The following ZNF75A variants were observed in gnomAD, a reference collection of about 807,000 sequenced individuals.
ZNF75A encodes zinc finger protein 75A.
Under a neutral mutation model 46.3 loss-of-function variants are expected in ZNF75A, and 36 were observed. That is an observed-to-expected ratio of 0.78 (90% CI 0.60 to 1.03). The LOEUF is 1.03. Among genes scored for constraint, ZNF75A ranks in the 50% least tolerant of loss-of-function variants. ZNF75A has a pLI of 0.00. For synonymous variants in ZNF75A, 234 were observed against 189.9 expected, an observed-to-expected ratio of 1.23 and a Z score of -1.91; for missense variants, 595 against 551.3, an observed-to-expected ratio of 1.08 and a Z score of -0.79.
chr16:3,315,821 AAAC>A (rs1173618213), intron 5 of ZNF75A, among the ~76,000 whole-genome samples: 1 of 152,238 alleles, frequency 6.6e-6, no homozygotes, highest in Non-Finnish European at 1.5e-5. Flanking sequence ...AGAAAAATCT[AAAC>A]TTCTTACCAA....
downstream of ZNF75A, chr16:3,322,836 G>T: frequency 2.2e-6 from 2 of 893,442 alleles, no homozygotes; most frequent in South Asian, 5.2e-5. Flanking sequence ...ATGTCCCTGG[G>T]CTTGGTCGAC....
chr16:3,311,819 G>C lies in ZNF75A; in HGVS notation c.475G>C (p.Gly159Arg), dbSNP rs567230881. The change falls in exon 3 of 7, where the codon GGG becomes CGG. Residue 159 changes from glycine (G) to arginine (R), a missense_variant. Transcript: ENST00000669516. ...LGETAEASSFGLKPTESQPVG... is the reference protein window; with the variant it reads ...LGETAEASSFRLKPTESQPVG... The stretch of plus-strand genomic sequence containing the variant: ...AGAAACAGCAGAGGCCTCAAGTTTC[G>C]GGCTGAAGCCAACAGAGTCCCAACC... 28 of 1,048,606 alleles carry C rather than the reference G, an allele frequency of 2.7e-5. No homozygotes were observed. Among genetic ancestry groups the C allele is most frequent in the Non-Finnish European group, 2.9e-5 (25 of 862,430 alleles). 65.0% of individuals were successfully genotyped at this position (1,048,606 alleles called of 1,614,324 possible). A position where few individuals can be genotyped will look rare whatever the true frequency, so the allele number is the denominator to read the frequency against.
rs761697439 is a variant in ZNF75A at position 3,318,118 on chromosome 16, C to T, written c.*249C>T. On this transcript the variant is annotated 3_prime_UTR_variant, in exon 7 of 7. Coordinates refer to ENST00000669516, the MANE Select transcript of ZNF75A (RefSeq NM_001302109.2). Reference sequence around the variant, plus strand: ...CATTTTTGAACACATCCAATAGAAACATTGGCAGCATGGTCTTCCAAAACA... The same window carrying T: ...CATTTTTGAACACATCCAATAGAAATATTGGCAGCATGGTCTTCCAAAACA... 59 of 1,232,354 alleles carry T rather than the reference C, an allele frequency of 4.8e-5. No homozygotes were observed. Among genetic ancestry groups the T allele is most frequent in the Non-Finnish European group, 5.9e-5 (58 of 986,998 alleles). 76.3% of individuals were successfully genotyped at this position (1,232,354 alleles called of 1,614,324 possible).
At position 3,318,322 on chromosome 16, in the gene ZNF75A, CCTT is replaced by C; in HGVS notation, c.*457_*459del. The C allele has an allele frequency of 1.0e-6, 1 of 988,734 alleles. No homozygotes were observed. The highest frequency in any genetic ancestry group is 1.2e-6 in the Non-Finnish European group (1 of 832,170). 61.2% of individuals were successfully genotyped at this position (988,734 alleles called of 1,614,324 possible). ...TGCAAAGTTGGACATCACTTGAGTT[CCTT>C]CTTAAACTTTTCGGCAACTTCTCTT... On this transcript the variant is annotated 3_prime_UTR_variant, in exon 7 of 7. Transcript: ENST00000669516.
At chr16:3,314,927 C>T in intron 5 of ZNF75A, 1 of 985,392 alleles carries the variant, frequency 1.0e-6, no homozygotes, top group Non-Finnish European at 1.2e-6. Flanking sequence ...TCTCAGTTTA[C>T]TGAGAATGAA....
chr16:3,323,316 C>T (rs957484988), downstream of ZNF75A: 7 of 1,066,706 alleles, frequency 6.6e-6, no homozygotes, highest in African/African-American at 1.1e-4. Flanking sequence ...GCAAAAGAAC[C>T]ATGAGATCTC....
At chr16:3,315,063 G>T in intron 5 of ZNF75A, 1 of 985,020 alleles carries the variant, frequency 1.0e-6, no homozygotes. Flanking sequence ...CTCATTCCTT[G>T]TCCTACGTGG....
downstream of ZNF75A, among the ~76,000 whole-genome samples, chr16:3,321,221 A>G (rs1202810511): frequency 6.6e-6 from 1 of 152,200 alleles, no homozygotes; most frequent in Non-Finnish European, 1.5e-5. Context: ...TTAGTACTAA[A>G]TGCACTAATT....
chr16:3,322,445 CTTT>C (rs965319693), downstream of ZNF75A, among the ~76,000 whole-genome samples: 5 of 152,346 alleles, frequency 3.3e-5, no homozygotes, highest in African/African-American at 1.2e-4. Context: ...GTCTGTAAGG[CTTT>C]TCTCCTGTAC....
downstream of ZNF75A, chr16:3,318,919 CT>C (rs1397058094): frequency 1.8e-5 from 15 of 852,370 alleles, no homozygotes; most frequent in Non-Finnish European, 2.1e-5. Flanking sequence ...TAAGCTCTAC[CT>C]GTCTTTGTTC....
chr16:3,321,374 C>CG (rs1464694187), downstream of ZNF75A, among the ~76,000 whole-genome samples: 1 of 152,324 alleles, frequency 6.6e-6, no homozygotes, highest in African/African-American at 2.4e-5. Context: ...TTGACCCCGT[C>CG]TAGTCTCCTG....
In ZNF75A at chr16:3,318,557, A is replaced by G. The variant is rs1203865391; in HGVS notation, c.*688A>G. 12 of 985,322 alleles carry G rather than the reference A, an allele frequency of 1.2e-5. No individual in the cohort carries two copies. Among genetic ancestry groups the G allele is most frequent in the Non-Finnish European group, 1.4e-5 (12 of 829,912 alleles). 61.0% of individuals were successfully genotyped at this position (985,322 alleles called of 1,614,324 possible). On this transcript the variant is annotated 3_prime_UTR_variant, in exon 7 of 7. Coordinates refer to ENST00000669516, the MANE Select transcript of ZNF75A (RefSeq NM_001302109.2). ...TAGATGTAAAGAATTTTCTGCAATA[A>G]AAGAAACTAGACTTGTTAATCCCTG...
downstream of ZNF75A, among the ~76,000 whole-genome samples, chr16:3,319,478 C>T (rs548182967): frequency 5.9e-5 from 9 of 152,338 alleles, no homozygotes; most frequent in East Asian, 1.5e-3. Flanking sequence ...TCTTACCCAG[C>T]ACCACCTTAA....
downstream of ZNF75A, among the ~76,000 whole-genome samples, chr16:3,321,308 C>G (rs1008800464): frequency 6.6e-6 from 1 of 152,146 alleles, no homozygotes; most frequent in African/African-American, 2.4e-5. Context: ...TTTATTTTAG[C>G]ATGTTCAGAT....
Position 3,311,880 on chromosome 16 carries a change from C to T in ZNF75A, c.536C>T (p.Thr179Ile), listed in dbSNP as rs1013451878. The change falls in exon 3 of 7, where the codon ACA (threonine) becomes ATA (isoleucine). Residue 179 changes from threonine (T) to isoleucine (I), a missense_variant. By Grantham distance (89) the Thr-to-Ile change is moderately conservative. Transcript: ENST00000669516. ...GVSQDEEFWN[T>I]YEGLQEQLSR... ...TCCCAAGATGAAGAATTTTGGAATA[C>T]ATACGAGGGTCTGCAAGAACAGCTC... 5.9e-6 allele frequency: 6 copies of T among 1,010,466 alleles called. No individual in the cohort carries two copies. Among genetic ancestry groups the T allele is most frequent in the Non-Finnish European group, 7.1e-6 (6 of 842,604 alleles). 62.6% of individuals were successfully genotyped at this position (1,010,466 alleles called of 1,614,324 possible).
At position 3,316,703 on chromosome 16, in the gene ZNF75A, C is replaced by T. The variant is rs1304068419; in HGVS notation, c.824-209C>T. The T allele has an allele frequency of 5.9e-5, 25 of 422,808 alleles. 1 individual carries two copies. The Admixed American group carries it at 6.8e-4, about 12-fold the overall frequency. The allele number at this position is 422,808 out of a possible 1,614,324, so 26.2% of individuals were successfully genotyped here. The stretch of plus-strand genomic sequence containing the variant: ...CCCTATATCCTTTTCATTGATCCAC[C>T]GTAGATTTATTTCTTAGTCTCTGCT... On this transcript the variant is annotated intron_variant, in intron 5 of 6. Coordinates refer to ENST00000669516, the MANE Select transcript of ZNF75A (RefSeq NM_001302109.2).
downstream of ZNF75A, among the ~76,000 whole-genome samples, chr16:3,322,230 A>G (rs2029971343): frequency 6.6e-6 from 1 of 152,154 alleles, no homozygotes; most frequent in South Asian, 2.1e-4. Flanking sequence ...CCCAGTAGAA[A>G]TCCACCCAAA....
At position 3,315,222 on chromosome 16, in the gene ZNF75A, C is replaced by T. The variant is rs562833692; in HGVS notation, c.824-1690C>T. 17 of 370,636 alleles carry T rather than the reference C, an allele frequency of 4.6e-5. No individual in the cohort carries two copies. The South Asian group carries it at 6.7e-4, about 15-fold the overall frequency. The allele number at this position is 370,636 out of a possible 1,614,324, so 23.0% of individuals were successfully genotyped here. On this transcript the variant is annotated intron_variant, in intron 5 of 6. Transcript: ENST00000669516. ...TTTTTTTTTTTTTGAGATGGAGCCT[C>T]GCTCTGTCGCCCAGGCTGGAGTGCA...
intron 5 of ZNF75A, among the ~76,000 whole-genome samples, chr16:3,315,576 A>G (rs1004175177): frequency 6.6e-5 from 10 of 152,120 alleles, no homozygotes; most frequent in Admixed American, 2.0e-4. Context: ...CTACTTTGAC[A>G]TATCCTGACT....
Sources: allele counts gnomAD v4.1 joint callset (sites outside exome capture counted in the v4.1 genomes callset), GRCh38; gene constraint gnomAD v4.1.1; transcripts MANE v1.5; gene names NCBI Gene and HGNC (gene_info 2026-07-23, HGNC 2026-07-21).